CAST: variants seen among roughly 807,000 people sequenced by gnomAD.
The protein encoded by CAST is MIR583 host.
CAST carries 76 observed loss-of-function variants against 119.6 expected under a neutral mutation model. The ratio of observed to expected loss-of-function variants is 0.64; its 90% CI spans 0.53 to 0.77. CAST has a LOEUF of 0.77. Ranked by LOEUF, CAST falls within the 30% of genes least tolerant of loss-of-function variation. The probability of loss-of-function intolerance (pLI) is 0.00; values close to 1 mark genes in which losing one functional copy is unlikely to be tolerated. For synonymous variants in CAST, 319 were observed against 331.6 expected, an observed-to-expected ratio of 0.96 and a Z score of 0.41; for missense variants, 953 against 946.5, an observed-to-expected ratio of 1.01 and a Z score of -0.09.
At chr5:96,044,083 A>G in the CAST span, among the ~76,000 whole-genome samples, 1 of 152,224 alleles carries the variant, frequency 6.6e-6, no homozygotes, top group African/African-American at 2.4e-5. Context: ...AAAACCTAAT[A>G]CAATATTTAT....
chr5:96,128,972 T>C, the CAST span, among the ~76,000 whole-genome samples: 1 of 152,110 alleles, frequency 6.6e-6, no homozygotes, highest in African/African-American at 2.4e-5. Context: ...CATTATCTTT[T>C]ATTTATTTTT....
the CAST span, among the ~76,000 whole-genome samples, chr5:96,345,622 G>A: frequency 1.8e-4 from 27 of 152,200 alleles, no homozygotes; most frequent in African/African-American, 6.3e-4. Flanking sequence ...ACTGGCTCAG[G>A]GTCTCATGAA....
At chr5:96,469,876 T>C in the CAST span, among the ~76,000 whole-genome samples, 1 of 100,136 alleles carries the variant, frequency 1.0e-5, no homozygotes, top group African/African-American at 5.1e-5. Flanking sequence ...TATATATATA[T>C]ATAATATATA....
chr5:96,008,052 C>G, the CAST span, among the ~76,000 whole-genome samples: 1 of 151,664 alleles, frequency 6.6e-6, no homozygotes, highest in African/African-American at 2.4e-5. Flanking sequence ...GGGCCTTCAC[C>G]AAAAACTGAA....
the CAST span, among the ~76,000 whole-genome samples, chr5:96,221,450 T>C: frequency 4.6e-5 from 7 of 152,198 alleles, no homozygotes; most frequent in African/African-American, 1.7e-4. Context: ...TCAGTAGTGT[T>C]TATATACACC....
At chr5:96,491,970 A>C in the CAST span, among the ~76,000 whole-genome samples, 3 of 152,262 alleles carry the variant, frequency 2.0e-5, no homozygotes, top group Non-Finnish European at 2.9e-5. Flanking sequence ...GAGCCAGTAT[A>C]ACATTCATCT....
the CAST span, among the ~76,000 whole-genome samples, chr5:96,477,300 A>G: frequency 7.5e-6 from 1 of 133,248 alleles, no homozygotes; most frequent in Admixed American, 7.5e-5. Flanking sequence ...ATATGCACGC[A>G]CGCGTGCACA....
At chr5:95,982,923 G>T in the CAST span, among the ~76,000 whole-genome samples, 1 of 152,238 alleles carries the variant, frequency 6.6e-6, no homozygotes, top group South Asian at 2.1e-4. Context: ...CAAAAAGCGT[G>T]AAAATAATTC....
In CAST at chr5:96,626,072, T is replaced by G. The variant is rs575090985; in HGVS notation, c.61-49467T>G. 2.5e-4 allele frequency among the ~76,000 whole-genome samples: 38 copies of G among 152,288 alleles called. No homozygotes were observed. The South Asian group carries it at 7.5e-3, about 30-fold the overall frequency. ...CTTCCCCTTTATCCTCCACGGACAC[T>G]TTCCCCTAATAAATCTCTGGCATAT... On this transcript the variant is annotated intron_variant, in intron 1 of 11. Transcript: ENST00000505143.
the CAST span, among the ~76,000 whole-genome samples, chr5:96,430,323 GAAAC>G: frequency 3.9e-5 from 6 of 152,268 alleles, no homozygotes; most frequent in African/African-American, 1.4e-4. Flanking sequence ...TTAAAATTAA[GAAAC>G]AAACAGTTGA....
intron 1 of CAST, among the ~76,000 whole-genome samples, chr5:96,651,206 C>T (rs1748090580): frequency 6.6e-6 from 1 of 152,202 alleles, no homozygotes; most frequent in African/African-American, 2.4e-5. Flanking sequence ...TCCTCAGCAA[C>T]AAAGCACTGT....
intron 1 of CAST, among the ~76,000 whole-genome samples, chr5:96,592,083 T>C (rs1184195953): frequency 6.6e-6 from 1 of 152,200 alleles, no homozygotes; most frequent in Non-Finnish European, 1.5e-5. Flanking sequence ...TTTGAAGGAA[T>C]GGCTTAGAAG....
intron 1 of CAST, among the ~76,000 whole-genome samples, chr5:96,538,743 C>A (rs1449579934): frequency 1.6e-5 from 1 of 60,678 alleles, no homozygotes. Context: ...CCCCCCCACA[C>A]ACACACCGCT....
intron 3 of CAST, among the ~76,000 whole-genome samples, chr5:96,719,501 G>A (rs1415182844): frequency 6.6e-6 from 1 of 152,212 alleles, no homozygotes; most frequent in African/African-American, 2.4e-5. Context: ...ATAGGCGGGT[G>A]AGTGGAGAGT....
the CAST span, among the ~76,000 whole-genome samples, chr5:96,131,368 G>C: frequency 2.7e-3 from 405 of 151,850 alleles, 1 homozygote; most frequent in African/African-American, 9.4e-3. Flanking sequence ...GTTAACATCA[G>C]TTATCACAGG....
At chr5:96,765,110 T>C in intron 25 of CAST, 111 bp from the exon 26 acceptor site, 1 of 699,460 alleles carries the variant, frequency 1.4e-6, no homozygotes, top group Non-Finnish European at 2.6e-6. Flanking sequence ...CCAGATGTCT[T>C]TTTCTTCCAA....
chr5:96,258,652 G>C, the CAST span, among the ~76,000 whole-genome samples: 1 of 152,108 alleles, frequency 6.6e-6, no homozygotes, highest in Admixed American at 6.5e-5. Flanking sequence ...CATGACATTT[G>C]GGTCCTACAG....
At chr5:96,677,989 C>G (rs1750907546) in intron 2 of CAST, among the ~76,000 whole-genome samples, 1 of 152,078 alleles carries the variant, frequency 6.6e-6, no homozygotes, top group African/African-American at 2.4e-5. Context: ...GCAAATAAGT[C>G]ATTAATGAGA....
chr5:96,754,227 GT>G, intron 21 of CAST, 66 bp downstream of exon 21: 1 of 984,056 alleles, frequency 1.0e-6, no homozygotes, highest in South Asian at 1.3e-5. Flanking sequence ...CTGCAAATAA[GT>G]TAGTCATTTG....
Sources: gnomAD v4.1 joint callset for allele counts (sites outside exome capture counted in the v4.1 genomes callset) on GRCh38, gnomAD v4.1.1 for gene constraint, MANE v1.5 for transcripts, NCBI Gene and HGNC (gene_info 2026-07-23, HGNC 2026-07-21) for gene names.